The following FUT8 variants were observed in gnomAD, a reference collection of about 807,000 sequenced individuals.
The protein encoded by FUT8 is alpha-(1,6)-fucosyltransferase.
Under a neutral mutation model 71.3 loss-of-function variants are expected in FUT8, and 29 were observed. The ratio of observed to expected loss-of-function variants is 0.41; its 90% CI spans 0.30 to 0.55. The LOEUF is 0.55. Ranked by LOEUF, FUT8 falls within the 20% of genes least tolerant of loss-of-function variation. The probability of loss-of-function intolerance (pLI) is 0.34; values close to 1 mark genes in which losing one functional copy is unlikely to be tolerated. For synonymous variants in FUT8, 254 were observed against 239.3 expected, an observed-to-expected ratio of 1.06 and a Z score of -0.57; for missense variants, 544 against 702.1, an observed-to-expected ratio of 0.77 and a Z score of 2.55.
chr14:65,362,474 G>A, the FUT8 span, among the ~76,000 whole-genome samples: 1 of 151,894 alleles, frequency 6.6e-6, no homozygotes, highest in Non-Finnish European at 1.5e-5. Context: ...CCAGGAGTTC[G>A]AGGCCAGCCT....
intron 5 of FUT8, among the ~76,000 whole-genome samples, chr14:65,618,051 ATATG>A (rs1164131346): frequency 1.5e-4 from 13 of 84,290 alleles, no homozygotes; most frequent in South Asian, 3.8e-4. Context: ...ATATATATAT[ATATG>A]TATGTATATA....
chr14:65,567,757 A>G (rs879363117), intron 3 of FUT8, among the ~76,000 whole-genome samples: 15 of 151,912 alleles, frequency 9.9e-5, no homozygotes, highest in Non-Finnish European at 1.3e-4. Context: ...TCCTATCCTG[A>G]TAGGCCTGAT....
At chr14:65,630,943 T>C (rs1170866505) in intron 6 of FUT8, among the ~76,000 whole-genome samples, 1 of 152,184 alleles carries the variant, frequency 6.6e-6, no homozygotes, top group Non-Finnish European at 1.5e-5. Context: ...AAAAGCAAAA[T>C]GACAGCCAGT....
At chr14:65,579,604 C>T (rs1886967825) in intron 3 of FUT8, among the ~76,000 whole-genome samples, 1 of 152,098 alleles carries the variant, frequency 6.6e-6, no homozygotes, top group Non-Finnish European at 1.5e-5. Context: ...AAACCACATA[C>T]TGTAAGTTAA....
At chr14:65,648,961 C>T (rs570079077) in intron 6 of FUT8, among the ~76,000 whole-genome samples, 26 of 152,264 alleles carry the variant, frequency 1.7e-4, no homozygotes, top group African/African-American at 6.0e-4. Flanking sequence ...AGTAGGGAGT[C>T]TCTGACGATA....
At chr14:65,611,263 A>ACCCCAAGTAATAGCCTTGATTTTG (rs1888952523) in intron 3 of FUT8, among the ~76,000 whole-genome samples, 4 of 75,982 alleles carry the variant, frequency 5.3e-5, no homozygotes, top group African/African-American at 3.7e-4. Flanking sequence ...ACACACACAC[A>ACCCCAAGTAATAGCCTTGATTTTG]CACACACACA....
Position 65,483,216 on chromosome 14 carries a change from C to G in FUT8, c.-228+27498C>G, listed in dbSNP as rs2066358307. 6.6e-6 allele frequency among the ~76,000 whole-genome samples: 1 copy of G among 152,202 alleles called. No individual in the cohort carries two copies. The highest frequency in any genetic ancestry group is 1.5e-5 in the Non-Finnish European group (1 of 68,038). The stretch of plus-strand genomic sequence containing the variant: ...ACTTCCGTGCTATTCAGTGAGAGGA[C>G]TGTGTTCTCTCCAACAAGGTCTGGA... On this transcript the variant is annotated intron_variant, in intron 2 of 10. Transcript: ENST00000673929. The surrounding 1 kb of genome is among the most constrained non-coding windows in gnomAD (Gnocchi z 4.4).
chr14:65,730,627 G>T (rs1266820776), intron 9 of FUT8, among the ~76,000 whole-genome samples: 1 of 151,968 alleles, frequency 6.6e-6, no homozygotes, highest in South Asian at 2.1e-4. Flanking sequence ...AGCCAAGATC[G>T]CACCACTGCA....
chr14:65,632,699 G>A (rs1890257434), intron 6 of FUT8, among the ~76,000 whole-genome samples: 1 of 152,058 alleles, frequency 6.6e-6, no homozygotes, highest in South Asian at 2.1e-4. Context: ...TCCTTTTGCT[G>A]TGCAAAAACT....
intron 1 of FUT8, among the ~76,000 whole-genome samples, chr14:65,448,099 C>G (rs1325091813): frequency 6.6e-6 from 1 of 152,188 alleles, no homozygotes; most frequent in Non-Finnish European, 1.5e-5. Flanking sequence ...GATTCTATCT[C>G]TTTATCTTAC....
intron 7 of FUT8, among the ~76,000 whole-genome samples, chr14:65,707,006 CT>C (rs1442716960): frequency 6.6e-6 from 1 of 152,072 alleles, no homozygotes; most frequent in South Asian, 2.1e-4. Context: ...ATGGTGTATT[CT>C]TTTAGAGCCT....
intron 10 of FUT8, among the ~76,000 whole-genome samples, chr14:65,734,042 G>A (rs922272542): frequency 6.6e-6 from 1 of 152,086 alleles, no homozygotes; most frequent in Non-Finnish European, 1.5e-5. Flanking sequence ...ATTTTATTCT[G>A]TTCTCTCGTT....
chr14:65,461,290 A>T (rs1215019102), intron 2 of FUT8, among the ~76,000 whole-genome samples: 1 of 152,150 alleles, frequency 6.6e-6, no homozygotes, highest in Non-Finnish European at 1.5e-5. Flanking sequence ...TTGTGTTCAA[A>T]TGTCCTTCTT....
chr14:65,692,014 C>T (rs1453358564), intron 7 of FUT8, among the ~76,000 whole-genome samples: 1 of 152,054 alleles, frequency 6.6e-6, no homozygotes, highest in Admixed American at 6.5e-5. Flanking sequence ...TCTACACAGA[C>T]ACGGCAACCA....
chr14:65,689,436 A>G (rs1304779974), intron 7 of FUT8, among the ~76,000 whole-genome samples: 1 of 152,140 alleles, frequency 6.6e-6, no homozygotes, highest in East Asian at 1.9e-4. Context: ...AGTTCTATTT[A>G]TATATAAAGT....
chr14:65,594,944 T>C lies in FUT8; in HGVS notation c.204-21034T>C, dbSNP rs370528470. On this transcript the variant is annotated intron_variant, in intron 3 of 10. Coordinates refer to ENST00000673929, the MANE Select transcript of FUT8 (RefSeq NM_001371533.1). The stretch of plus-strand genomic sequence containing the variant: ...GCAGCATTCGATTGGTAAAAAGATA[T>C]TATTGAGAAACAACCAATTGGGAGA... Among the ~76,000 whole-genome samples, 34 of 152,224 alleles carry C rather than the reference T, an allele frequency of 2.2e-4. No individual in the cohort carries two copies. The South Asian group carries it at 6.2e-3, about 28-fold the overall frequency.
intron 1 of FUT8, among the ~76,000 whole-genome samples, chr14:65,420,426 C>T (rs1269405652): frequency 6.6e-6 from 1 of 152,024 alleles, no homozygotes; most frequent in Non-Finnish European, 1.5e-5. Context: ...CAGAACACAT[C>T]CTCTATATGA....
intron 6 of FUT8, among the ~76,000 whole-genome samples, chr14:65,663,373 A>AT (rs1220063550): frequency 1.3e-4 from 19 of 149,186 alleles, no homozygotes; most frequent in South Asian, 2.1e-4. Context: ...TTGTTGCTTT[A>AT]TTTTTTTTTT....
chr14:65,451,450 C>A (rs1157083233), intron 1 of FUT8, among the ~76,000 whole-genome samples: 1 of 152,262 alleles, frequency 6.6e-6, no homozygotes, highest in African/African-American at 2.4e-5. Context: ...TTACAGTGCT[C>A]TTTTAGCTCC....
Sources: allele counts gnomAD v4.1 joint callset (sites outside exome capture counted in the v4.1 genomes callset), GRCh38; gene constraint gnomAD v4.1.1; non-coding constraint Gnocchi (gnomAD v3.1); transcripts MANE v1.5; gene names NCBI Gene and HGNC (gene_info 2026-07-23, HGNC 2026-07-21).